CHCHD6: variants seen among roughly 807,000 people sequenced by gnomAD.
The protein encoded by CHCHD6 is MICOS complex subunit MIC25.
Under a neutral mutation model 32.3 loss-of-function variants are expected in CHCHD6, and 28 were observed. The observed-to-expected ratio is 0.87, with a 90% confidence interval of 0.64 to 1.19. The LOEUF (loss-of-function observed/expected upper bound fraction) is 1.19, where lower values mean the gene tolerates loss of function less well. Ranked by LOEUF, CHCHD6 falls within the 50% of genes most tolerant of loss-of-function variation. The pLI is 0.00. For missense variants in CHCHD6, 333 were observed against 307.0 expected (o/e 1.08, Z -0.63); for synonymous variants, 122 against 117.5 (o/e 1.04, Z -0.25).
intron 4 of CHCHD6, among the ~76,000 whole-genome samples, chr3:126,739,322 A>G (rs1289756519): frequency 2.0e-5 from 3 of 151,848 alleles, no homozygotes; most frequent in African/African-American, 7.3e-5. Flanking sequence ...TTGCAGTCAC[A>G]TGTGGTCTTT....
intron 4 of CHCHD6, among the ~76,000 whole-genome samples, chr3:126,831,921 T>G (rs1940661155): frequency 6.6e-6 from 1 of 152,198 alleles, no homozygotes. Flanking sequence ...TCAGTGGGTG[T>G]GGTAGCTGTC....
chr3:126,784,694 TC>T (rs1938116313), intron 4 of CHCHD6, among the ~76,000 whole-genome samples: 2 of 152,134 alleles, frequency 1.3e-5, no homozygotes, highest in Non-Finnish European at 1.5e-5. Context: ...TACCACTGCC[TC>T]TCAGTTCATG....
At chr3:126,758,513 A>G (rs1937050036) in intron 4 of CHCHD6, among the ~76,000 whole-genome samples, 1 of 152,216 alleles carries the variant, frequency 6.6e-6, no homozygotes, top group Non-Finnish European at 1.5e-5. Flanking sequence ...AGTTGGGAAA[A>G]TGGATGTTTT....
At chr3:126,704,567 G>T (rs972379671) in intron 1 of CHCHD6, among the ~76,000 whole-genome samples, 168 bp downstream of exon 1, 58 of 152,310 alleles carry the variant, frequency 3.8e-4, no homozygotes, top group African/African-American at 1.3e-3. Context: ...CGAGCCCGAG[G>T]CTGGCAGCCT....
chr3:126,804,682 C>A (rs536197815), intron 4 of CHCHD6, among the ~76,000 whole-genome samples: 2 of 152,296 alleles, frequency 1.3e-5, no homozygotes, highest in East Asian at 3.9e-4. Context: ...AGAGGGAATT[C>A]TCCCTAATTC....
chr3:126,858,417 G>A (rs918109087), intron 5 of CHCHD6, among the ~76,000 whole-genome samples: 2 of 152,098 alleles, frequency 1.3e-5, no homozygotes, highest in Non-Finnish European at 2.9e-5. Context: ...GTCGGCACAC[G>A]AGGCTTCATA....
intron 5 of CHCHD6, among the ~76,000 whole-genome samples, chr3:126,887,721 C>A (rs1348507396): frequency 1.3e-5 from 2 of 152,204 alleles, no homozygotes; most frequent in East Asian, 1.9e-4. Context: ...CGGTGGCCTC[C>A]CGGAAACACC....
At chr3:126,843,461 A>T (rs1283092942) in intron 4 of CHCHD6, among the ~76,000 whole-genome samples, 2 of 152,132 alleles carry the variant, frequency 1.3e-5, no homozygotes, top group African/African-American at 4.8e-5. Context: ...TAAATATTTG[A>T]TAAAATTGGT....
chr3:126,823,378 T>C (rs1186681831), intron 4 of CHCHD6, among the ~76,000 whole-genome samples: 1 of 152,250 alleles, frequency 6.6e-6, no homozygotes, highest in Non-Finnish European at 1.5e-5. Context: ...TTTCAGTTCA[T>C]TATATGTATA....
intron 5 of CHCHD6, among the ~76,000 whole-genome samples, chr3:126,892,187 G>A (rs764213914): frequency 1.3e-5 from 2 of 152,162 alleles, no homozygotes; most frequent in Non-Finnish European, 2.9e-5. Context: ...CCCTTTCAGC[G>A]CCAGCCTGGG....
intron 4 of CHCHD6, among the ~76,000 whole-genome samples, chr3:126,846,328 T>C (rs547739113): frequency 6.6e-6 from 1 of 151,912 alleles, no homozygotes; most frequent in Non-Finnish European, 1.5e-5. Context: ...CCTGGGGAGG[T>C]AGATAACAAT....
At chr3:126,780,517 T>C in intron 4 of CHCHD6, 1 of 193,278 alleles carries the variant, frequency 5.2e-6, no homozygotes, top group Non-Finnish European at 1.1e-5. Flanking sequence ...TTCTTTTCCC[T>C]GTTTAATCTT....
At chr3:126,887,356 T>C (rs1259601323) in intron 5 of CHCHD6, among the ~76,000 whole-genome samples, 1 of 152,206 alleles carries the variant, frequency 6.6e-6, no homozygotes, top group Non-Finnish European at 1.5e-5. Context: ...TTAAAAGTGC[T>C]AACTTTCATT....
chr3:126,807,601 A>G (rs73201798), intron 4 of CHCHD6, among the ~76,000 whole-genome samples: 21,794 of 152,224 alleles, frequency 0.14, 1,703 homozygotes, highest in South Asian at 0.28. Flanking sequence ...ATTATTAATG[A>G]AATTATTTCA....
chr3:126,806,463 G>A (rs1007420784), intron 4 of CHCHD6, among the ~76,000 whole-genome samples: 6 of 152,060 alleles, frequency 3.9e-5, no homozygotes, highest in African/African-American at 1.4e-4. Context: ...ATCATCACTG[G>A]CCATCAGAGA....
At chr3:126,779,422 A>C (rs1937811981) in intron 4 of CHCHD6, among the ~76,000 whole-genome samples, 1 of 151,886 alleles carries the variant, frequency 6.6e-6, no homozygotes, top group Non-Finnish European at 1.5e-5. Flanking sequence ...CTGTACTCCC[A>C]GCTACTCAGG....
At chr3:126,776,341 A>G (rs1332542389) in intron 4 of CHCHD6, among the ~76,000 whole-genome samples, 1 of 152,228 alleles carries the variant, frequency 6.6e-6, no homozygotes, top group Non-Finnish European at 1.5e-5. Flanking sequence ...CAGGGGAGAC[A>G]GGGTGTTTCA....
At chr3:126,824,527 C>T (rs550190972) in intron 4 of CHCHD6, among the ~76,000 whole-genome samples, 167 of 116,248 alleles carry the variant, frequency 1.4e-3, no homozygotes, top group African/African-American at 5.6e-3. Context: ...AGCCACTGCA[C>T]TCCAGCCTAG....
chr3:126,862,661 C>T (rs1444169395), intron 5 of CHCHD6, among the ~76,000 whole-genome samples: 3 of 130,970 alleles, frequency 2.3e-5, no homozygotes, highest in Non-Finnish European at 4.9e-5. Flanking sequence ...ATCACCACCT[C>T]CCCCTCCTCC....
Sources: gnomAD v4.1 joint callset for allele counts (sites outside exome capture counted in the v4.1 genomes callset) on GRCh38, gnomAD v4.1.1 for gene constraint, MANE v1.5 for transcripts, NCBI Gene and HGNC (gene_info 2026-07-23, HGNC 2026-07-21) for gene names.